The following INPP5A variants were observed in gnomAD, a reference collection of about 807,000 sequenced individuals.
The protein encoded by INPP5A is 43 kDa inositol polyphosphate 5-phophatase.
In INPP5A, 14 loss-of-function variants were observed where a neutral mutation model predicts 65.2. The observed-to-expected ratio is 0.21, with a 90% confidence interval of 0.14 to 0.34. The LOEUF (loss-of-function observed/expected upper bound fraction) is 0.34, where lower values mean the gene tolerates loss of function less well. Among genes scored for constraint, INPP5A ranks in the 10% least tolerant of loss-of-function variants. INPP5A has a pLI of 1.00. For synonymous variants in INPP5A, 207 were observed against 208.3 expected, an observed-to-expected ratio of 0.99 and a Z score of 0.05; for missense variants, 431 against 545.6, an observed-to-expected ratio of 0.79 and a Z score of 2.09.
intron 8 of INPP5A, among the ~76,000 whole-genome samples, chr10:132,713,934 G>A (rs955778016): frequency 1.3e-5 from 2 of 152,152 alleles, no homozygotes; most frequent in Non-Finnish European, 2.9e-5. Context: ...CGCCCTCCCT[G>A]GACAGCATGT....
chr10:132,721,931 C>T (rs145847983), intron 8 of INPP5A, among the ~76,000 whole-genome samples: 1 of 152,250 alleles, frequency 6.6e-6, no homozygotes, highest in African/African-American at 2.4e-5. Flanking sequence ...AAAGTGAAGT[C>T]ATGAAAAATA....
At chr10:132,590,960 T>G (rs2071612244) in intron 1 of INPP5A, among the ~76,000 whole-genome samples, 1 of 152,202 alleles carries the variant, frequency 6.6e-6, no homozygotes, top group African/African-American at 2.4e-5. Flanking sequence ...CTTGGGCGCT[T>G]CTTGTGCCAT....
chr10:132,778,882 C>G (rs949152643), intron 13 of INPP5A, among the ~76,000 whole-genome samples: 11 of 152,262 alleles, frequency 7.2e-5, no homozygotes, highest in African/African-American at 2.4e-4. Context: ...GTGCCCTCAG[C>G]AGGGCGGGGA....
intron 4 of INPP5A, among the ~76,000 whole-genome samples, chr10:132,669,204 C>G (rs768199603): frequency 6.6e-6 from 1 of 152,126 alleles, no homozygotes; most frequent in East Asian, 1.9e-4. Context: ...AGTGAGCAGA[C>G]ATCGTGCCAC....
rs1319305473 is a variant in INPP5A at position 132,537,966 on chromosome 10, C to T, written c.-131C>T. 5.0e-6 allele frequency: 1 copy of T among 201,144 alleles called. No homozygotes were observed. The highest frequency in any genetic ancestry group is 8.6e-6 in the Non-Finnish European group (1 of 115,692). 12.5% of individuals were successfully genotyped at this position (201,144 alleles called of 1,614,324 possible). On this transcript the variant is annotated 5_prime_UTR_variant, in exon 1 of 16. Transcript: ENST00000368594. Reference sequence around the variant, plus strand: ...AGGCCCGGCCGACCCGCCGAGCCCGCGATGCGCCCCGGGGCCGCCCCCCGG... The same window carrying T: ...AGGCCCGGCCGACCCGCCGAGCCCGTGATGCGCCCCGGGGCCGCCCCCCGG...
rs936946739 is a variant in INPP5A at position 132,616,033 on chromosome 10, G to A, written c.117+8077G>A. On this transcript the variant is annotated intron_variant, in intron 2 of 15. Coordinates refer to ENST00000368594, the MANE Select transcript of INPP5A (RefSeq NM_005539.5). This position sits in a 1 kb window ranked among gnomAD's most constrained non-coding sequence, Gnocchi z 4.9. ...ATGGGCTTCACCCTCTGTAGCTGCC[G>A]GTTCCGGGTCCTGTGGGGAGCGGTG... 6.6e-6 allele frequency among the ~76,000 whole-genome samples: 1 copy of A among 152,204 alleles called. No individual in the cohort carries two copies. Among genetic ancestry groups the A allele is most frequent in the Non-Finnish European group, 1.5e-5 (1 of 68,030 alleles).
At chr10:132,615,292 G>C (rs1035287764) in intron 2 of INPP5A, among the ~76,000 whole-genome samples, 8 of 152,236 alleles carry the variant, frequency 5.3e-5, no homozygotes, top group Non-Finnish European at 1.2e-4. Flanking sequence ...TGTCTTCCAA[G>C]TGTGGCGTCC....
At chr10:132,695,339 G>A (rs998822504) in intron 5 of INPP5A, among the ~76,000 whole-genome samples, 4 of 152,140 alleles carry the variant, frequency 2.6e-5, no homozygotes, top group African/African-American at 9.6e-5. Flanking sequence ...AGGAATAGAG[G>A]GGAAGTTCCT....
At chr10:132,626,974 C>T (rs556491321) in intron 2 of INPP5A, among the ~76,000 whole-genome samples, 14 of 152,268 alleles carry the variant, frequency 9.2e-5, no homozygotes, top group African/African-American at 3.4e-4. Context: ...ATAGGTTGTG[C>T]TCTGACCCCA....
At chr10:132,713,689 C>G (rs944270485) in intron 8 of INPP5A, among the ~76,000 whole-genome samples, 5 of 152,168 alleles carry the variant, frequency 3.3e-5, no homozygotes, top group Non-Finnish European at 7.4e-5. Flanking sequence ...TGCTGCTGTG[C>G]TCGTGGCCAC....
chr10:132,588,869 G>A (rs1412343624), intron 1 of INPP5A, among the ~76,000 whole-genome samples: 1 of 150,136 alleles, frequency 6.7e-6, no homozygotes, highest in East Asian at 1.9e-4. Context: ...CGCGTTCTGT[G>A]TGTGTTGTCA....
intron 2 of INPP5A, among the ~76,000 whole-genome samples, chr10:132,609,394 G>A (rs1416099242): frequency 6.6e-6 from 1 of 152,110 alleles, no homozygotes; most frequent in Non-Finnish European, 1.5e-5. Flanking sequence ...CCAGTGGCGG[G>A]GGCGGGTTTG....
rs149249665 is a variant in INPP5A at position 132,660,561 on chromosome 10, G to A, written c.306+10056G>A. Among the ~76,000 whole-genome samples the A allele has an allele frequency of 1.5e-3, 222 of 152,332 alleles. 1 individual carries two copies. The highest frequency in any genetic ancestry group is 0.014 in the East Asian group (73 of 5,190). Reference sequence around the variant, plus strand: ...GGTGTGCCAGTTTGTGATCTGGTGCGGTGAGGCACCTGTGTCAGCAACAGG... The same window carrying A: ...GGTGTGCCAGTTTGTGATCTGGTGCAGTGAGGCACCTGTGTCAGCAACAGG... On this transcript the variant is annotated intron_variant, in intron 4 of 15. Coordinates refer to ENST00000368594, the MANE Select transcript of INPP5A (RefSeq NM_005539.5).
At chr10:132,776,376 G>A (rs555668884) in intron 12 of INPP5A, among the ~76,000 whole-genome samples, 4 of 151,508 alleles carry the variant, frequency 2.6e-5, no homozygotes, top group Non-Finnish European at 4.4e-5. Flanking sequence ...CTGTTTCCAG[G>A]TGGTTGGGCA....
At position 132,698,001 on chromosome 10, in the gene INPP5A, C is replaced by T; in HGVS notation, c.474+82C>T. The T allele has an allele frequency of 1.1e-6, 1 of 873,766 alleles. No homozygotes were observed. The highest frequency in any genetic ancestry group is 1.9e-6 in the Non-Finnish European group (1 of 526,788). The allele number at this position is 873,766 out of a possible 1,614,324, so 54.1% of individuals were successfully genotyped here. ...AGTGACATGGAACACGGAATTTTCG[C>T]ATTGCACTGTTACTAGTCACAGCTG... On this transcript the variant is annotated intron_variant, in intron 6 of 15. Coordinates refer to ENST00000368594, the MANE Select transcript of INPP5A (RefSeq NM_005539.5). This position sits in a 1 kb window ranked among gnomAD's most constrained non-coding sequence, Gnocchi z 5.5.
intron 1 of INPP5A, among the ~76,000 whole-genome samples, chr10:132,597,232 A>G (rs934484194): frequency 1.3e-5 from 2 of 152,232 alleles, no homozygotes; most frequent in Admixed American, 1.3e-4. Flanking sequence ...AGTAATTTGA[A>G]GCCCTAAGTG....
In INPP5A at chr10:132,717,106, C is replaced by T. The variant is rs543533049; in HGVS notation, c.647+6650C>T. ...CCGACCTTAGTTCTCAGTTTGAGAT[C>T]TGAGTTCTGGTGACAGCTTGCAGAC... On this transcript the variant is annotated intron_variant, in intron 8 of 15. Coordinates refer to ENST00000368594, the MANE Select transcript of INPP5A (RefSeq NM_005539.5). 4.0e-5 allele frequency among the ~76,000 whole-genome samples: 6 copies of T among 151,566 alleles called. No homozygotes were observed. In the East Asian group the frequency reaches 9.8e-4, roughly 25 times the overall value.
At chr10:132,607,143 C>G (rs1010632040) in intron 1 of INPP5A, among the ~76,000 whole-genome samples, 27 of 152,338 alleles carry the variant, frequency 1.8e-4, no homozygotes, top group Non-Finnish European at 3.4e-4. Flanking sequence ...AGCCCAGGAG[C>G]AGCCAGGTGG....
rs146976508 is a variant in INPP5A, at chr10:132,707,789, G to A, written c.475-524G>A. ...GTGGTGGGGATCAGTGAGAGGCATC[G>A]GTGGGTGAGAGGCATCGGTGGGTGA... On this transcript the variant is annotated intron_variant, in intron 6 of 15. Coordinates refer to ENST00000368594, the MANE Select transcript of INPP5A (RefSeq NM_005539.5). The surrounding 1 kb of genome is among the most constrained non-coding windows in gnomAD (Gnocchi z 5.5). Among the ~76,000 whole-genome samples, 4 of 151,912 alleles carry A rather than the reference G, an allele frequency of 2.6e-5. No homozygotes were observed. The highest frequency in any genetic ancestry group is 4.4e-5 in the Non-Finnish European group (3 of 67,860).
Sources: allele counts gnomAD v4.1 joint callset (sites outside exome capture counted in the v4.1 genomes callset), GRCh38; gene constraint gnomAD v4.1.1; non-coding constraint Gnocchi (gnomAD v3.1); transcripts MANE v1.5; gene names NCBI Gene and HGNC (gene_info 2026-07-23, HGNC 2026-07-21).